The following MTHFD2L variants were observed in gnomAD, a reference collection of about 807,000 sequenced individuals.
The protein encoded by MTHFD2L is methylenetetrahydrofolate dehydrogenase (NADP+ dependent) 2 like.
A neutral mutation model predicts 34.9 loss-of-function variants in MTHFD2L; 29 were observed. The ratio of observed to expected loss-of-function variants is 0.83; its 90% CI spans 0.62 to 1.13. The LOEUF is 1.13. MTHFD2L is among the 50% of genes most tolerant of loss of function. The probability of loss-of-function intolerance (pLI) is 0.00; values close to 1 mark genes in which losing one functional copy is unlikely to be tolerated. For synonymous variants in MTHFD2L, 167 were observed against 155.7 expected, an observed-to-expected ratio of 1.07 and a Z score of -0.54; for missense variants, 481 against 446.5, an observed-to-expected ratio of 1.08 and a Z score of -0.70.
chr4:74,156,989 A>G (rs1303733215), upstream of MTHFD2L: 1 of 152,132 alleles, frequency 6.6e-6, no homozygotes, highest in African/African-American at 2.4e-5. Context: ...ATTTTCTCCC[A>G]GTATGTGATT....
intron 3 of MTHFD2L, among the ~76,000 whole-genome samples, chr4:74,189,204 A>G (rs2110014914): frequency 6.6e-6 from 1 of 152,300 alleles, no homozygotes; most frequent in Admixed American, 6.5e-5. Context: ...TCACAAGCCC[A>G]TGAATTATGA....
intron 6 of MTHFD2L, among the ~76,000 whole-genome samples, chr4:74,254,645 C>A (rs1743763165): frequency 6.7e-6 from 1 of 148,182 alleles, no homozygotes; most frequent in Non-Finnish European, 1.5e-5. Flanking sequence ...AAAAGAAATG[C>A]TAAATTGAGT....
intron 1 of MTHFD2L, among the ~76,000 whole-genome samples, chr4:74,163,873 T>G (rs556142257): frequency 1.3e-5 from 2 of 152,102 alleles, no homozygotes; most frequent in African/African-American, 2.4e-5. Context: ...TTTTTTTGTT[T>G]GTTTGTTTTG....
At chr4:74,202,424 C>G (rs1353025237) in intron 5 of MTHFD2L, among the ~76,000 whole-genome samples, 1 of 152,164 alleles carries the variant, frequency 6.6e-6, no homozygotes, top group Non-Finnish European at 1.5e-5. Flanking sequence ...GACCTTCCAA[C>G]AAGGTTTGTG....
chr4:74,282,613 G>C (rs1313073061), intron 7 of MTHFD2L, among the ~76,000 whole-genome samples: 1 of 152,126 alleles, frequency 6.6e-6, no homozygotes, highest in Admixed American at 6.6e-5. Flanking sequence ...TCAGGGACCA[G>C]ATCCAAGTAA....
intron 6 of MTHFD2L, among the ~76,000 whole-genome samples, chr4:74,231,351 A>G (rs1345476759): frequency 1.3e-5 from 2 of 152,048 alleles, no homozygotes; most frequent in Admixed American, 6.6e-5. Context: ...AAACCAGGAC[A>G]TGGAGAAGTT....
At position 74,198,379 on chromosome 4, in the gene MTHFD2L, G is replaced by A. The variant is rs527925482; in HGVS notation, c.452-1415G>A. On this transcript the variant is annotated intron_variant, in intron 3 of 7. Coordinates refer to ENST00000325278, the MANE Select transcript of MTHFD2L (RefSeq NM_001144978.3). ...AAAATCTACAAAGAGTCCTTGTTGA[G>A]TTCTTTTTAATCAGTAGCCCAGCCC... Among the ~76,000 whole-genome samples, 143 of 152,240 alleles carry A rather than the reference G, an allele frequency of 9.4e-4. 4 individuals are homozygous for A. In the South Asian group the frequency reaches 0.018, roughly 19 times the overall value.
intron 1 of MTHFD2L, among the ~76,000 whole-genome samples, chr4:74,145,073 A>G (rs1017147446): frequency 6.6e-6 from 1 of 152,106 alleles, no homozygotes; most frequent in Non-Finnish European, 1.5e-5. Flanking sequence ...TATCGATATA[A>G]TCTTGAAATA....
intron 7 of MTHFD2L, among the ~76,000 whole-genome samples, chr4:74,285,285 A>G (rs1354490932): frequency 6.6e-6 from 1 of 152,110 alleles, no homozygotes; most frequent in Non-Finnish European, 1.5e-5. Flanking sequence ...GCACATGTAT[A>G]CATATGTAAC....
At chr4:74,293,593 A>AAT in intron 7 of MTHFD2L, 3 of 890,230 alleles carry the variant, frequency 3.4e-6, no homozygotes, top group Non-Finnish European at 4.0e-6. Flanking sequence ...TTCCCTCCGG[A>AAT]GCACTTGATT....
chr4:74,123,788 C>T (rs1282858833), upstream of MTHFD2L, among the ~76,000 whole-genome samples: 1 of 151,968 alleles, frequency 6.6e-6, no homozygotes, highest in Non-Finnish European at 1.5e-5. Context: ...TGTTTTTCTT[C>T]CGACTTTAAA....
Position 74,175,416 on chromosome 4 carries a change from C to G in MTHFD2L, c.451+13C>G, listed in dbSNP as rs764537777. Reference sequence around the variant, plus strand: ...TTACCACTACCAGGTACATAATGCTCCTCTTATTTATCTGATTTTGTTAAA... The same window carrying G: ...TTACCACTACCAGGTACATAATGCTGCTCTTATTTATCTGATTTTGTTAAA... On this transcript the variant is annotated intron_variant, in intron 3 of 7. Coordinates refer to ENST00000325278, the MANE Select transcript of MTHFD2L (RefSeq NM_001144978.3). 3.1e-6 allele frequency: 5 copies of G among 1,594,230 alleles called. No homozygotes were observed. In the South Asian group the frequency reaches 5.7e-5, roughly 18 times the overall value.
chr4:74,217,424 G>A (rs1482708583), intron 5 of MTHFD2L, among the ~76,000 whole-genome samples: 1 of 151,786 alleles, frequency 6.6e-6, no homozygotes, highest in African/African-American at 2.4e-5. Context: ...GGCTTCATTT[G>A]TCTAAAAGAG....
At chr4:74,175,115 G>A (rs1728775252) in intron 2 of MTHFD2L, among the ~76,000 whole-genome samples, 166 bp from the exon 3 acceptor site, 1 of 152,088 alleles carries the variant, frequency 6.6e-6, no homozygotes, top group African/African-American at 2.4e-5. Context: ...GAATACATGT[G>A]GATCAAGAGG....
intron 1 of MTHFD2L, among the ~76,000 whole-genome samples, chr4:74,171,352 A>G (rs1189526542): frequency 6.6e-6 from 1 of 152,240 alleles, no homozygotes; most frequent in Non-Finnish European, 1.5e-5. Flanking sequence ...ATCTGAAGTG[A>G]TGACAAGTAT....
chr4:74,208,974 A>G (rs1167652376), intron 5 of MTHFD2L, among the ~76,000 whole-genome samples: 3 of 152,084 alleles, frequency 2.0e-5, no homozygotes, highest in Non-Finnish European at 4.4e-5. Context: ...AAGCCTATCT[A>G]AGGGTCCCCG....
chr4:74,291,003 C>CTTTTTTTTTTTTTTTTTTTTTTTTTTT lies in MTHFD2L; in HGVS notation c.931+9459_931+9485dup, dbSNP rs10585551. 3.5e-3 allele frequency among the ~76,000 whole-genome samples: 103 copies of CTTTTTTTTTTTTTTTTTTTTTTTTTTT among 29,278 alleles called. 34 individuals carry two copies. The highest frequency in any genetic ancestry group is 6.8e-3 in the East Asian group (5 of 730). The allele number at this position is 29,278 out of a possible 152,430, so 19.2% of individuals were successfully genotyped here. A position where few individuals can be genotyped will look rare whatever the true frequency, so the allele number is the denominator to read the frequency against. ...CTGTCTTACATTTATTTTTCCTTTT[C>CTTTTTTTTTTTTTTTTTTTTTTTTTTT]TTTTTTTTTTTTTTTTTTTTTTTTT... On this transcript the variant is annotated intron_variant, in intron 7 of 7. Coordinates refer to ENST00000325278, the MANE Select transcript of MTHFD2L (RefSeq NM_001144978.3).
At chr4:74,301,598 A>G in intron 7 of MTHFD2L, 99 bp from the exon 8 acceptor site, 3 of 648,084 alleles carry the variant, frequency 4.6e-6, no homozygotes, top group Admixed American at 6.5e-5. Flanking sequence ...AATGATTTGT[A>G]TATATAATGA....
At chr4:74,235,790 GA>G (rs1740750440) in intron 6 of MTHFD2L, among the ~76,000 whole-genome samples, 1 of 152,086 alleles carries the variant, frequency 6.6e-6, no homozygotes, top group East Asian at 1.9e-4. Context: ...GATCGTATAA[GA>G]AAAAAACTGG....
Sources: gnomAD v4.1 joint callset for allele counts (sites outside exome capture counted in the v4.1 genomes callset) on GRCh38, gnomAD v4.1.1 for gene constraint, MANE v1.5 for transcripts, NCBI Gene and HGNC (gene_info 2026-07-23, HGNC 2026-07-21) for gene names.